CPNE8: variants seen among roughly 807,000 people sequenced by gnomAD.
The protein encoded by CPNE8 is copine 8.
A neutral mutation model predicts 81.5 loss-of-function variants in CPNE8; 45 were observed. That is an observed-to-expected ratio of 0.55 (90% CI 0.44 to 0.71). The LOEUF (loss-of-function observed/expected upper bound fraction) is 0.71, where lower values mean the gene tolerates loss of function less well. Ranked by LOEUF, CPNE8 falls within the 30% of genes least tolerant of loss-of-function variation. The pLI is 0.00. For synonymous variants in CPNE8, 252 were observed against 226.3 expected (o/e 1.11, Z -1.02); for missense variants, 594 against 672.1 (o/e 0.88, Z 1.28).
intron 6 of CPNE8, among the ~76,000 whole-genome samples, chr12:38,813,675 G>T (rs1302113139): frequency 2.0e-5 from 3 of 152,164 alleles, no homozygotes; most frequent in Non-Finnish European, 4.4e-5. Context: ...CAGGCAGTAG[G>T]TTTAAACTTT....
chr12:38,893,550 C>T (rs1944343113), intron 1 of CPNE8, among the ~76,000 whole-genome samples: 1 of 152,186 alleles, frequency 6.6e-6, no homozygotes, highest in South Asian at 2.1e-4. Flanking sequence ...AATGGGCAAC[C>T]AGCCACCCTG....
intron 8 of CPNE8, 41 bp downstream of exon 8, chr12:38,767,594 A>G (rs1941715599): frequency 8.7e-7 from 1 of 1,146,890 alleles, no homozygotes; most frequent in South Asian, 1.6e-5. Context: ...TTCAAGTATC[A>G]TCATTACCAT....
At chr12:38,831,660 C>A (rs1943287466) in intron 5 of CPNE8, among the ~76,000 whole-genome samples, 1 of 152,168 alleles carries the variant, frequency 6.6e-6, no homozygotes, top group Non-Finnish European at 1.5e-5. Context: ...TTAAATTAAA[C>A]ACCTTTCATA....
Position 38,671,715 on chromosome 12 carries a change from CA to C in CPNE8, c.1433-914del, listed in dbSNP as rs201684637. 3.0e-3 allele frequency among the ~76,000 whole-genome samples: 456 copies of C among 152,244 alleles called. 4 individuals are homozygous for C. The highest frequency in any genetic ancestry group is 0.022 in the Admixed American group (330 of 15,274). On this transcript the variant is annotated intron_variant, in intron 18 of 19. Transcript: ENST00000331366. ...CTCCCTGGCCCCAATACTGCTCAGTCAGCATACAATCCTCACTTCTTTACTC... is the reference window on the plus strand; with the variant it reads ...CTCCCTGGCCCCAATACTGCTCAGTCGCATACAATCCTCACTTCTTTACTC...
chr12:38,866,918 G>A (rs370257823), intron 3 of CPNE8, among the ~76,000 whole-genome samples: 10 of 152,060 alleles, frequency 6.6e-5, no homozygotes, highest in African/African-American at 2.4e-4. Context: ...GAGTGCAATG[G>A]CGGGATCTCA....
At chr12:38,728,776 A>C (rs542885113) in intron 11 of CPNE8, among the ~76,000 whole-genome samples, 1 of 152,240 alleles carries the variant, frequency 6.6e-6, no homozygotes, top group South Asian at 2.1e-4. Flanking sequence ...GCAGATAATA[A>C]AGTTTGTAAT....
intron 10 of CPNE8, among the ~76,000 whole-genome samples, chr12:38,746,765 A>G (rs78390090): frequency 0.011 from 1,634 of 152,348 alleles, 34 homozygotes; most frequent in African/African-American, 0.036. Context: ...TAATTTTTAC[A>G]GAGAATAAAG....
chr12:38,905,841 G>A (rs2137179340), upstream of CPNE8: 2 of 985,350 alleles, frequency 2.0e-6, no homozygotes, highest in South Asian at 4.7e-5. Context: ...TCCCCTCCTG[G>A]CTGGAGGGGT....
chr12:38,867,992 G>C (rs1029228728), intron 3 of CPNE8, among the ~76,000 whole-genome samples: 9 of 151,966 alleles, frequency 5.9e-5, no homozygotes, highest in African/African-American at 2.2e-4. Flanking sequence ...TTTATTTGGA[G>C]CATTTGTTTC....
intron 10 of CPNE8, among the ~76,000 whole-genome samples, chr12:38,742,629 A>G (rs1592054342): frequency 6.6e-6 from 1 of 151,670 alleles, no homozygotes; most frequent in Non-Finnish European, 1.5e-5. Context: ...GTATAAATAT[A>G]TAACAAACCT....
chr12:38,842,717 A>G (rs1472850206), intron 4 of CPNE8, among the ~76,000 whole-genome samples: 1 of 151,736 alleles, frequency 6.6e-6, no homozygotes, highest in Non-Finnish European at 1.5e-5. Context: ...CTGGGGTGAC[A>G]TAGGTGCCCG....
chr12:38,716,646 T>C (rs1230237040), intron 13 of CPNE8, among the ~76,000 whole-genome samples: 1 of 152,092 alleles, frequency 6.6e-6, no homozygotes, highest in Non-Finnish European at 1.5e-5. Flanking sequence ...CAACTCAAGA[T>C]GGATCAAAGA....
chr12:38,863,445 G>A (rs1400038526), intron 3 of CPNE8, among the ~76,000 whole-genome samples: 1 of 152,050 alleles, frequency 6.6e-6, no homozygotes, highest in African/African-American at 2.4e-5. Flanking sequence ...AAGAGAAAAC[G>A]GAAATGCTTT....
intron 16 of CPNE8, among the ~76,000 whole-genome samples, chr12:38,678,113 T>C (rs1939333166): frequency 6.6e-6 from 1 of 152,062 alleles, no homozygotes; most frequent in African/African-American, 2.4e-5. Flanking sequence ...CTAAATGTCA[T>C]TGAATGGTAT....
chr12:38,734,269 C>T (rs1349857237), intron 10 of CPNE8, among the ~76,000 whole-genome samples: 1 of 151,972 alleles, frequency 6.6e-6, no homozygotes, highest in African/African-American at 2.4e-5. Context: ...TCTTACCTTG[C>T]CAGTGATATT....
intron 6 of CPNE8, among the ~76,000 whole-genome samples, chr12:38,797,561 T>C (rs1221420815): frequency 6.6e-6 from 1 of 151,816 alleles, no homozygotes; most frequent in African/African-American, 2.4e-5. Context: ...ATCACCATCA[T>C]CAAAGACCAA....
chr12:38,863,174 C>T (rs1474790840), intron 3 of CPNE8, among the ~76,000 whole-genome samples: 1 of 152,126 alleles, frequency 6.6e-6, no homozygotes, highest in African/African-American at 2.4e-5. Flanking sequence ...ACAGAAAGTA[C>T]ACATGGCATA....
chr12:38,661,300 C>G (rs761465519), intron 19 of CPNE8, among the ~76,000 whole-genome samples: 3 of 152,138 alleles, frequency 2.0e-5, no homozygotes, highest in African/African-American at 7.2e-5. Flanking sequence ...GAGTTCATGT[C>G]CTTTGCAGGG....
At chr12:38,745,081 A>G (rs559772387) in intron 10 of CPNE8, among the ~76,000 whole-genome samples, 24 of 152,336 alleles carry the variant, frequency 1.6e-4, no homozygotes, top group African/African-American at 5.8e-4. Flanking sequence ...GATTCAATAC[A>G]TACTATCCAG....
Sources: gnomAD v4.1 joint callset for allele counts (sites outside exome capture counted in the v4.1 genomes callset) on GRCh38, gnomAD v4.1.1 for gene constraint, MANE v1.5 for transcripts, NCBI Gene and HGNC (gene_info 2026-07-23, HGNC 2026-07-21) for gene names.